Variants in ZNF333 observed in about 807,000 individuals in gnomAD.
ZNF333 encodes the protein zinc finger protein 333.
A neutral mutation model predicts 76.1 loss-of-function variants in ZNF333; 61 were observed. The observed-to-expected ratio is 0.80, with a 90% CI of 0.65 to 0.99. The LOEUF is 0.99. Among genes scored for constraint, ZNF333 ranks in the 50% least tolerant of loss-of-function variants. ZNF333 has a pLI of 0.00. For synonymous variants in ZNF333, 284 were observed against 305.0 expected, an observed-to-expected ratio of 0.93 and a Z score of 0.72; for missense variants, 717 against 822.4, an observed-to-expected ratio of 0.87 and a Z score of 1.57.
At chr19:14,702,991 TC>T (rs1006063373) in intron 5 of ZNF333, among the ~76,000 whole-genome samples, 1 of 151,016 alleles carries the variant, frequency 6.6e-6, no homozygotes, top group African/African-American at 2.4e-5. Flanking sequence ...GATCATGAGG[TC>T]AGGAGATCGA....
At position 14,706,668 on chromosome 19, in the gene ZNF333, C is replaced by T. The variant is rs1406172122; in HGVS notation, c.424-18C>T. The stretch of plus-strand genomic sequence containing the variant: ...CAGCTTCTTGACTCTAATCTGTGAC[C>T]CCTGTCACTCTGTCCAGGGACTGAA... On this transcript the variant is annotated intron_variant, in intron 6 of 11. Transcript: ENST00000292530. The T allele has an allele frequency of 6.2e-7, 1 of 1,611,878 alleles. No individual in the cohort carries two copies.
chr19:14,708,619 G>GCCGTCGGC, intron 7 of ZNF333: 1 of 364,412 alleles, frequency 2.7e-6, no homozygotes, highest in Non-Finnish European at 4.9e-6. Flanking sequence ...TCAGCTGTGG[G>GCCGTCGGC]CCGTCCTGTG....
chr19:14,727,319 A>C (rs62122560), intron 11 of ZNF333, among the ~76,000 whole-genome samples: 33,412 of 152,074 alleles, frequency 0.22, 3,887 homozygotes, highest in Middle Eastern at 0.35. Flanking sequence ...TGAGCCACCA[A>C]GCCCGGCCCA....
intron 7 of ZNF333, chr19:14,708,351 C>T (rs889080978): frequency 1.5e-5 from 6 of 400,978 alleles, no homozygotes; most frequent in Admixed American, 4.4e-5. Flanking sequence ...TACTGTCATC[C>T]GATGGTGAGA....
chr19:14,707,618 C>A (rs190869012), intron 7 of ZNF333, among the ~76,000 whole-genome samples: 2 of 136,024 alleles, frequency 1.5e-5, no homozygotes, highest in Admixed American at 8.4e-5. Flanking sequence ...GTGGCACTAT[C>A]CCGGCTCACT....
chr19:14,700,249 G>T (rs1158125668), intron 5 of ZNF333: 1 of 151,588 alleles, frequency 6.6e-6, no homozygotes. Flanking sequence ...TCGAACTCCT[G>T]GCCTCATGTG....
chr19:14,698,580 C>G (rs1356411278), intron 4 of ZNF333, among the ~76,000 whole-genome samples: 1 of 151,152 alleles, frequency 6.6e-6, no homozygotes, highest in Non-Finnish European at 1.5e-5. Flanking sequence ...TGGCTCATGC[C>G]TGTAATCCCA....
chr19:14,719,011 T>G lies in ZNF333; in HGVS notation c.1684T>G (p.Tyr562Asp). ...HMRTHTGEKP[Y>D]VCQECGRAFS... ...GCGAACTCACACTGGAGAGAAGCCC[T>G]ATGTGTGCCAGGAATGTGGGCGAGC... The change falls in exon 12 of 12, where the codon TAT becomes GAT. Residue 562 changes from tyrosine (Y) to aspartate (D), a missense_variant. Physicochemically the swap from Tyr to Asp is radical, Grantham distance 160. Coordinates refer to ENST00000292530, the MANE Select transcript of ZNF333 (RefSeq NM_032433.4). 1.9e-6 allele frequency: 3 copies of G among 1,614,182 alleles called. No homozygotes were observed. The highest frequency in any genetic ancestry group is 2.5e-6 in the Non-Finnish European group (3 of 1,180,036).
intron 5 of ZNF333, chr19:14,701,481 T>G (rs11881959): frequency 2.7e-5 from 19 of 696,426 alleles, no homozygotes; most frequent in Non-Finnish European, 3.4e-5. Context: ...CTGTGTGTCA[T>G]GTAGCCCCCA....
At chr19:14,729,881 C>T (rs1042758710) in intron 11 of ZNF333, among the ~76,000 whole-genome samples, 3 of 152,230 alleles carry the variant, frequency 2.0e-5, no homozygotes, top group East Asian at 1.9e-4. Context: ...TTGATAAATA[C>T]ATCCAATTTT....
chr19:14,718,641 T>A lies in ZNF333; in HGVS notation c.1314T>A (p.Ile438=), dbSNP rs138343042. ...CCTTCACGAGGAACTTTAACCTGAT[T>A]TTGCACCAGAGAAACCACACAGGAG... The part of the protein sequence containing the change: ...GKTFTRNFNL[I]LHQRNHTGEK... Residue 438 remains isoleucine, a synonymous_variant, in exon 12 of 12, where the codon ATT becomes ATA. Transcript: ENST00000292530. 1.0e-4 allele frequency: 161 copies of A among 1,613,392 alleles called. No homozygotes were observed. The highest frequency in any genetic ancestry group is 1.3e-4 in the Non-Finnish European group (152 of 1,179,952).
downstream of ZNF333, among the ~76,000 whole-genome samples, chr19:14,722,627 T>C (rs1461871270): frequency 1.3e-5 from 2 of 152,254 alleles, no homozygotes; most frequent in Admixed American, 6.5e-5. Context: ...GTCCAACTTA[T>C]AGATATTTTT....
At chr19:14,699,623 G>C (rs138956396) in intron 5 of ZNF333, among the ~76,000 whole-genome samples, 2,009 of 152,128 alleles carry the variant, frequency 0.013, 37 homozygotes, top group African/African-American at 0.045. Context: ...ACCACGTCTG[G>C]CTAATTTTTG....
exon 12 of ZNF333, chr19:14,731,357 G>C: frequency 3.1e-6 from 2 of 651,668 alleles, no homozygotes; most frequent in Non-Finnish European, 5.2e-6. Flanking sequence ...TGACATCCGG[G>C]CTCCTTAACT....
Position 14,718,313 on chromosome 19 carries a change from A to G in ZNF333, c.986A>G (p.Gln329Arg), listed in dbSNP as rs2042496692. The change falls in exon 12 of 12, where the codon CAG becomes CGG. Residue 329 changes from glutamine to arginine, a missense_variant. Physicochemically the swap from Gln to Arg is conservative, Grantham distance 43. Transcript: ENST00000292530. ...FNSIEPLFQYQRIHAGEASCE... is the reference protein window; with the variant it reads ...FNSIEPLFQYRRIHAGEASCE... ...AGCATTGAACCACTTTTCCAGTACC[A>G]GAGAATTCATGCTGGAGAGGCATCC... 6.2e-7 allele frequency: 1 copy of G among 1,614,112 alleles called. No homozygotes were observed. The highest frequency in any genetic ancestry group is 1.7e-5 in the Admixed American group (1 of 60,006).
At chr19:14,709,673 C>T (rs572837202) in intron 7 of ZNF333, among the ~76,000 whole-genome samples, 1 of 152,324 alleles carries the variant, frequency 6.6e-6, no homozygotes, top group Non-Finnish European at 1.5e-5. Context: ...CATGCCCTTA[C>T]AAGAAGAGGA....
chr19:14,693,438 T>C lies in ZNF333; in HGVS notation c.-41-13T>C. ...TCACCCCTTCTTTTACCTCAGTGTC[T>C]CCTTTATTGCAGGGAGAACACCGAC... On this transcript the variant is annotated splice_polypyrimidine_tract_variant and intron_variant, in intron 1 of 11. Coordinates refer to ENST00000292530, the MANE Select transcript of ZNF333 (RefSeq NM_032433.4). 1 of 1,577,988 alleles carries C rather than the reference T, an allele frequency of 6.3e-7. No individual in the cohort carries two copies. The highest frequency in any genetic ancestry group is 8.7e-7 in the Non-Finnish European group (1 of 1,154,560).
chr19:14,731,371 G>T, exon 12 of ZNF333: 1 of 614,034 alleles, frequency 1.6e-6, no homozygotes, highest in Non-Finnish European at 2.8e-6. Context: ...CTTAACTTCC[G>T]GCTTCCGGGA....
Position 14,695,601 on chromosome 19 carries a change from C to A in ZNF333, c.163C>A (p.Leu55Met), listed in dbSNP as rs772238723. 6.2e-7 allele frequency: 1 copy of A among 1,614,164 alleles called. No individual in the cohort carries two copies. Residue 55 changes from leucine to methionine, a missense_variant, in exon 4 of 12, where the codon CTG becomes ATG. By Grantham distance (15) the Leu-to-Met change is conservative. Coordinates refer to ENST00000292530, the MANE Select transcript of ZNF333 (RefSeq NM_032433.4). ...PPCKPSCVSQ[L>M]GQRAEPKATE... ...ATGCAAACCCAGTTGTGTCTCCCAG[C>A]TGGGGCAAAGAGCAGAGCCAAAGGC... is the stretch of plus-strand genomic sequence containing the variant.
Sources: allele counts gnomAD v4.1 joint callset (sites outside exome capture counted in the v4.1 genomes callset), GRCh38; gene constraint gnomAD v4.1.1; transcripts MANE v1.5; gene names NCBI Gene and HGNC (gene_info 2026-07-23, HGNC 2026-07-21).